Variants in GRIA4 observed in about 807,000 individuals in gnomAD.
GRIA4 encodes glutamate ionotropic receptor AMPA type subunit 4.
GRIA4 carries 34 observed loss-of-function variants against 104.0 expected under a neutral mutation model. The ratio of observed to expected loss-of-function variants is 0.33; its 90% CI spans 0.25 to 0.44. The LOEUF (loss-of-function observed/expected upper bound fraction) is 0.44, where lower values mean the gene tolerates loss of function less well. GRIA4 is among the 20% of genes least tolerant of loss of function. The pLI is 1.00. For missense variants in GRIA4, 750 were observed against 1,096.5 expected, an observed-to-expected ratio of 0.68 and a Z score of 4.46; for synonymous variants, 386 against 381.9, an observed-to-expected ratio of 1.01 and a Z score of -0.13.
intron 11 of GRIA4, among the ~76,000 whole-genome samples, chr11:105,920,149 C>A (rs760168935): frequency 6.6e-6 from 1 of 151,912 alleles, no homozygotes; most frequent in African/African-American, 2.4e-5. Context: ...CATTATGAAG[C>A]AATTGGTTAG....
At position 105,753,169 on chromosome 11, in the gene GRIA4, C is replaced by T. The variant is rs2229878; in HGVS notation, c.436C>T (p.Leu146=). 0.01 allele frequency: 16,424 copies of T among 1,613,514 alleles called. 128 individuals carry two copies. The highest frequency in any genetic ancestry group is 0.013 in the South Asian group (1,188 of 91,080). Residue 146 remains leucine, a synonymous_variant, in exon 4 of 17, where the codon CTG becomes TTG. Transcript: ENST00000282499. ...PSLRGALLSL[L]DHYEWNCFVF... is the part of the protein sequence containing the mutation. ...GTTACGAGGAGCACTCTTGAGTTTG[C>T]TGGATCACTACGAATGGAACTGTTT...
chr11:105,659,563 TA>T (rs1467625364), intron 3 of GRIA4, among the ~76,000 whole-genome samples: 1 of 151,822 alleles, frequency 6.6e-6, no homozygotes, highest in Non-Finnish European at 1.5e-5. Flanking sequence ...ACTCATAAAT[TA>T]ACCCTAGAAC....
intron 5 of GRIA4, among the ~76,000 whole-genome samples, chr11:105,872,528 T>C (rs1367589421): frequency 2.2e-4 from 33 of 152,124 alleles, no homozygotes; most frequent in Admixed American, 2.2e-3. Flanking sequence ...CAATTTCATC[T>C]TCAACATATT....
rs186825636 is a variant in GRIA4 at position 105,845,777 on chromosome 11, G to A, written c.488-16247G>A. Among the ~76,000 whole-genome samples the A allele has an allele frequency of 3.5e-3, 530 of 152,144 alleles. 1 individual carries two copies. The highest frequency in any genetic ancestry group is 5.5e-3 in the Non-Finnish European group (371 of 67,988). ...TGGGTGCCTGTAGTCCCAGCTAGTTGGGAGGCTGAGGCAGGAGCCTCAGGA... is the reference window on the plus strand; with the variant it reads ...TGGGTGCCTGTAGTCCCAGCTAGTTAGGAGGCTGAGGCAGGAGCCTCAGGA... On this transcript the variant is annotated intron_variant, in intron 4 of 16. Coordinates refer to ENST00000282499, the MANE Select transcript of GRIA4 (RefSeq NM_000829.4).
intron 3 of GRIA4, among the ~76,000 whole-genome samples, chr11:105,693,121 T>C (rs1953147916): frequency 6.6e-6 from 1 of 152,134 alleles, no homozygotes; most frequent in Non-Finnish European, 1.5e-5. Context: ...TTAAACATCA[T>C]AAACAAATAA....
intron 4 of GRIA4, among the ~76,000 whole-genome samples, chr11:105,858,142 CT>C (rs1304515519): frequency 1.3e-5 from 2 of 152,016 alleles, no homozygotes; most frequent in Non-Finnish European, 2.9e-5. Flanking sequence ...TGAAAAAGCC[CT>C]TAATTACTAT....
chr11:105,785,262 G>A (rs540393455), intron 4 of GRIA4, among the ~76,000 whole-genome samples: 1 of 151,802 alleles, frequency 6.6e-6, no homozygotes, highest in East Asian at 1.9e-4. Flanking sequence ...AAATAAATGA[G>A]GTACAATCCA....
chr11:105,797,553 A>C (rs968295730), intron 4 of GRIA4, among the ~76,000 whole-genome samples: 3 of 152,148 alleles, frequency 2.0e-5, no homozygotes, highest in African/African-American at 7.2e-5. Flanking sequence ...ATTAAAACTT[A>C]TTCCCCAATT....
At chr11:105,868,624 C>G (rs1169964370) in intron 5 of GRIA4, among the ~76,000 whole-genome samples, 2 of 152,064 alleles carry the variant, frequency 1.3e-5, no homozygotes, top group Non-Finnish European at 2.9e-5. Context: ...TTTCACCTGT[C>G]CAAGATTATG....
chr11:105,649,570 T>C (rs1358995202), intron 3 of GRIA4, among the ~76,000 whole-genome samples: 1 of 152,156 alleles, frequency 6.6e-6, no homozygotes, highest in Non-Finnish European at 1.5e-5. Flanking sequence ...TTCTTCTTTG[T>C]TGTATAACTA....
intron 4 of GRIA4, among the ~76,000 whole-genome samples, chr11:105,815,259 T>C (rs1943329811): frequency 6.6e-6 from 1 of 152,186 alleles, no homozygotes; most frequent in South Asian, 2.1e-4. Flanking sequence ...TCTTGTCTAA[T>C]AGAACCATGC....
intron 3 of GRIA4, among the ~76,000 whole-genome samples, chr11:105,634,475 A>AAG: frequency 1.9e-5 from 1 of 51,902 alleles, no homozygotes; most frequent in East Asian, 4.6e-4. Flanking sequence ...AAGGGAAAGA[A>AAG]AGAAAGAAAG....
At chr11:105,772,382 C>T (rs1010640453) in intron 4 of GRIA4, among the ~76,000 whole-genome samples, 2 of 152,120 alleles carry the variant, frequency 1.3e-5, no homozygotes, top group African/African-American at 2.4e-5. Context: ...CCAATTCAGA[C>T]AGACAATTCA....
chr11:105,673,277 C>T (rs1264357159), intron 3 of GRIA4, among the ~76,000 whole-genome samples: 2 of 152,072 alleles, frequency 1.3e-5, no homozygotes, highest in Non-Finnish European at 2.9e-5. Flanking sequence ...AAGAAATTAA[C>T]TAACAGAAGC....
intron 4 of GRIA4, among the ~76,000 whole-genome samples, chr11:105,783,350 A>T (rs1941811385): frequency 1.3e-5 from 2 of 152,246 alleles, no homozygotes; most frequent in Non-Finnish European, 2.9e-5. Flanking sequence ...AAGGGAACAC[A>T]AAGTCACATA....
intron 3 of GRIA4, among the ~76,000 whole-genome samples, chr11:105,723,821 T>C (rs1171130247): frequency 6.6e-6 from 1 of 152,108 alleles, no homozygotes; most frequent in Non-Finnish European, 1.5e-5. Context: ...TCTGAATTTA[T>C]AATGAACTCA....
At chr11:105,840,570 T>C (rs752172425) in intron 4 of GRIA4, among the ~76,000 whole-genome samples, 8 of 152,170 alleles carry the variant, frequency 5.3e-5, no homozygotes, top group Non-Finnish European at 1.0e-4. Context: ...TGTTGTGCTG[T>C]ATAATATTGG....
At chr11:105,763,971 A>T (rs1419844633) in intron 4 of GRIA4, among the ~76,000 whole-genome samples, 1 of 152,200 alleles carries the variant, frequency 6.6e-6, no homozygotes, top group African/African-American at 2.4e-5. Flanking sequence ...ACTATGACTC[A>T]TTTAAAAAGC....
intron 14 of GRIA4, among the ~76,000 whole-genome samples, chr11:105,937,301 T>C (rs1054157986): frequency 1.3e-5 from 2 of 152,166 alleles, no homozygotes; most frequent in African/African-American, 2.4e-5. Flanking sequence ...GATTATAATA[T>C]AGACATCTAC....
Sources: allele counts gnomAD v4.1 joint callset (sites outside exome capture counted in the v4.1 genomes callset), GRCh38; gene constraint gnomAD v4.1.1; transcripts MANE v1.5; gene names NCBI Gene and HGNC (gene_info 2026-07-23, HGNC 2026-07-21).